Variants in NUP54 observed in about 807,000 individuals in gnomAD.
NUP54 encodes the protein nucleoporin 54.
In NUP54, 27 loss-of-function variants were observed where a neutral mutation model predicts 66.4. That is an observed-to-expected ratio of 0.41 (90% CI 0.30 to 0.56). NUP54 has a LOEUF of 0.56. NUP54 is among the 20% of genes least tolerant of loss of function. The pLI, the probability that NUP54 is intolerant of heterozygous loss-of-function variation, is 0.34. For synonymous variants in NUP54, 206 were observed against 210.7 expected, an observed-to-expected ratio of 0.98 and a Z score of 0.19; for missense variants, 486 against 596.3, an observed-to-expected ratio of 0.82 and a Z score of 1.93.
chr4:76,125,477 T>C (rs1560678541), intron 8 of NUP54, among the ~76,000 whole-genome samples: 1 of 149,952 alleles, frequency 6.7e-6, no homozygotes, highest in African/African-American at 2.5e-5. Flanking sequence ...CTACAAAAAA[T>C]ATAAAAAATT....
chr4:76,139,952 TAAAG>T (rs1731194282), intron 3 of NUP54, among the ~76,000 whole-genome samples: 1 of 152,080 alleles, frequency 6.6e-6, no homozygotes, highest in Non-Finnish European at 1.5e-5. Context: ...TTTGATAAAA[TAAAG>T]AAAACAGAAA....
chr4:76,133,311 T>TG (rs1437913405), intron 5 of NUP54, among the ~76,000 whole-genome samples: 3 of 135,466 alleles, frequency 2.2e-5, no homozygotes, highest in Non-Finnish European at 4.6e-5. Flanking sequence ...AGATAGTATT[T>TG]GTTTTTTTTT....
At chr4:76,138,224 T>C (rs1209128682) in intron 3 of NUP54, among the ~76,000 whole-genome samples, 2 of 152,234 alleles carry the variant, frequency 1.3e-5, no homozygotes, top group Non-Finnish European at 2.9e-5. Flanking sequence ...TCGCTTTCTA[T>C]CCTTGAGCAA....
Position 76,131,252 on chromosome 4 carries a change from C to T in NUP54, c.940G>A (p.Val314Ile), listed in dbSNP as rs768117603. ...TACTTTTCAGAATCAGGGTTATCTACCTTGGCCTGTTCCCAGATAATAGGA... is the reference window on the plus strand; with the variant it reads ...TACTTTTCAGAATCAGGGTTATCTATCTTGGCCTGTTCCCAGATAATAGGA... ...VDPIIWEQAKVDNPDSEKLIP... is the reference protein window; with the variant it reads ...VDPIIWEQAKIDNPDSEKLIP... The change falls in exon 7 of 12, where the codon GTA becomes ATA. Residue 314 changes from valine to isoleucine, a missense_variant. By Grantham distance (29) the Val-to-Ile change is conservative (BLOSUM62 3). Around this residue, in one of 4 missense-constraint regions of NUP54, gnomAD observed 217 missense variants for 247.9 expected, o/e 0.88. Transcript: ENST00000264883. 1.3e-6 allele frequency: 2 copies of T among 1,596,554 alleles called. No individual in the cohort carries two copies. The highest frequency in any genetic ancestry group is 3.4e-5 in the Admixed American group (2 of 58,356).
chr4:76,148,213 G>C (rs1731596260), intron 1 of NUP54, 95 bp downstream of exon 1: 3 of 949,432 alleles, frequency 3.2e-6, no homozygotes, highest in Non-Finnish European at 4.2e-6. Context: ...GTCGGCGGGA[G>C]ATTCCAGGAT....
In NUP54 at chr4:76,144,622, A is replaced by G. The variant is rs572258097; in HGVS notation, c.68-149T>C. 17 of 590,636 alleles carry G rather than the reference A, an allele frequency of 2.9e-5. No individual in the cohort carries two copies. The African/African-American group carries it at 3.0e-4, about 10-fold the overall frequency. 36.6% of individuals were successfully genotyped at this position (590,636 alleles called of 1,614,324 possible). Reference sequence around the variant, plus strand: ...TCCCTACTTTCAAGATCAATTTTTTAAAAAACTATACTACCAATCAAGAAG... The same window carrying G: ...TCCCTACTTTCAAGATCAATTTTTTGAAAAACTATACTACCAATCAAGAAG... On this transcript the variant is annotated intron_variant, in intron 1 of 11. Transcript: ENST00000264883.
intron 9 of NUP54, among the ~76,000 whole-genome samples, chr4:76,120,410 T>TAAAGGG (rs1158513202): frequency 6.8e-6 from 1 of 147,652 alleles, no homozygotes; most frequent in Admixed American, 7.0e-5. Flanking sequence ...CGCATGAGTG[T>TAAAGGG]AAAGGGATCT....
At chr4:76,148,053 A>G (rs1731586950) in intron 1 of NUP54, 13 of 418,954 alleles carry the variant, frequency 3.1e-5, no homozygotes, top group Non-Finnish European at 5.5e-5. Context: ...GGCAGCGGGA[A>G]GCGAACCGCT....
At chr4:76,117,638 A>ATAATGCAGC in intron 11 of NUP54, 26 bp downstream of exon 11, 1 of 1,424,410 alleles carries the variant, frequency 7.0e-7, no homozygotes. Context: ...CACACTTTAA[A>ATAATGCAGC]TAATGCAGCC....
chr4:76,117,313 T>C (rs1186701905), intron 11 of NUP54, among the ~76,000 whole-genome samples: 1 of 152,178 alleles, frequency 6.6e-6, no homozygotes, highest in Non-Finnish European at 1.5e-5. Context: ...ATTTTGTTTC[T>C]CTATTCTTTG....
At chr4:76,139,259 C>T (rs1486890490) in intron 3 of NUP54, among the ~76,000 whole-genome samples, 1 of 152,222 alleles carries the variant, frequency 6.6e-6, no homozygotes, top group Non-Finnish European at 1.5e-5. Flanking sequence ...GATAAAGATA[C>T]GCTGTCACCA....
At chr4:76,141,659 A>G (rs1731271991) in intron 3 of NUP54, among the ~76,000 whole-genome samples, 1 of 152,180 alleles carries the variant, frequency 6.6e-6, no homozygotes, top group Admixed American at 6.5e-5. Flanking sequence ...GATTTTGGCA[A>G]CAGCTTCACC....
chr4:76,131,315 A>G, intron 6 of NUP54, 31 bp from the exon 7 acceptor site: 1 of 1,396,868 alleles, frequency 7.2e-7, no homozygotes, highest in South Asian at 1.3e-5. Flanking sequence ...TTTTTCTAAA[A>G]CAATTTTCTA....
intron 3 of NUP54, among the ~76,000 whole-genome samples, chr4:76,137,963 A>T (rs976308031): frequency 3.3e-5 from 5 of 152,216 alleles, no homozygotes; most frequent in African/African-American, 1.2e-4. Flanking sequence ...TAGTAATACA[A>T]ATGGTATGTA....
intron 3 of NUP54, among the ~76,000 whole-genome samples, chr4:76,136,749 G>A (rs1230859521): frequency 6.6e-6 from 1 of 152,126 alleles, no homozygotes; most frequent in Non-Finnish European, 1.5e-5. Context: ...AGAAATGCAG[G>A]AAGACTCTAA....
chr4:76,136,732 C>T (rs958198799), intron 3 of NUP54, among the ~76,000 whole-genome samples: 4 of 151,984 alleles, frequency 2.6e-5, no homozygotes, highest in Non-Finnish European at 5.9e-5. Flanking sequence ...GGAAGAGCCG[C>T]GAGCCAAGAA....
At chr4:76,129,986 T>G (rs1730729171) in intron 8 of NUP54, among the ~76,000 whole-genome samples, 1 of 98,916 alleles carries the variant, frequency 1.0e-5, no homozygotes. Flanking sequence ...TTTTTTTTTT[T>G]TTTTTTTTTT....
At chr4:76,142,594 A>G (rs1351878647) in intron 3 of NUP54, among the ~76,000 whole-genome samples, 1 of 152,214 alleles carries the variant, frequency 6.6e-6, no homozygotes, top group Non-Finnish European at 1.5e-5. Context: ...TGGGGATAAC[A>G]AAAGTATTAT....
In NUP54 at chr4:76,148,380, G is replaced by T; in HGVS notation, c.-6C>A. On this transcript the variant is annotated 5_prime_UTR_variant, in exon 1 of 12. Coordinates refer to ENST00000264883, the MANE Select transcript of NUP54 (RefSeq NM_017426.4). ...GCCCCAAAATTGAAGGCCATGTCGC[G>T]AAAGCAGGAGACCAAGTAGGTTACT... The T allele has an allele frequency of 1.3e-6, 2 of 1,528,570 alleles. No individual in the cohort carries two copies. The highest frequency in any genetic ancestry group is 4.2e-5 in the Admixed American group (2 of 48,086). The allele number at this position is 1,528,570 out of a possible 1,614,324, so 94.7% of individuals were successfully genotyped here.
Sources: gnomAD v4.1 joint callset for allele counts (sites outside exome capture counted in the v4.1 genomes callset) on GRCh38, gnomAD v4.1.1 for gene constraint, gnomAD v4.1.1 regional missense constraint, MANE v1.5 for transcripts, NCBI Gene and HGNC (gene_info 2026-07-23, HGNC 2026-07-21) for gene names.